Variants in GAB4 observed in about 807,000 individuals in gnomAD.
GAB4 encodes GRB2-associated-binding protein 4.
Under a neutral mutation model 51.3 loss-of-function variants are expected in GAB4, and 26 were observed. The ratio of observed to expected loss-of-function variants is 0.51; its 90% CI spans 0.37 to 0.70. The LOEUF is 0.70. GAB4 is among the 30% of genes least tolerant of loss of function. The pLI, the probability that GAB4 is intolerant of heterozygous loss-of-function variation, is 0.00. For synonymous variants in GAB4, 329 were observed against 291.2 expected (o/e 1.13, Z -1.32); for missense variants, 759 against 734.6 (o/e 1.03, Z -0.38).
intron 1 of GAB4, among the ~76,000 whole-genome samples, chr22:16,995,416 C>G (rs1162898838): frequency 6.6e-6 from 1 of 152,224 alleles, no homozygotes; most frequent in Non-Finnish European, 1.5e-5. Context: ...CTGCCTGTGG[C>G]TTTGAAGAGC....
chr22:17,002,524 C>G (rs1251083115), intron 1 of GAB4, among the ~76,000 whole-genome samples: 1 of 152,058 alleles, frequency 6.6e-6, no homozygotes, highest in East Asian at 1.9e-4. Flanking sequence ...GATGAAGATA[C>G]TGCACCAACA....
rs1328206745 is a variant in GAB4, at chr22:17,008,211, G to A, written c.-97C>T. The A allele has an allele frequency of 3.5e-6, 3 of 862,474 alleles. No homozygotes were observed. Among genetic ancestry groups the A allele is most frequent in the Non-Finnish European group, 5.4e-6 (3 of 553,964 alleles). 53.4% of individuals were successfully genotyped at this position (862,474 alleles called of 1,614,324 possible). A position where few individuals can be genotyped will look rare whatever the true frequency, so the allele number is the denominator to read the frequency against. ...ACGGCTTGCGATACCCTGGGACTGC[G>A]GGGTAGAAAGCGCAGTTCTAGGGGA... On this transcript the variant is annotated 5_prime_UTR_variant, in exon 1 of 10. Transcript: ENST00000400588.
intron 1 of GAB4, among the ~76,000 whole-genome samples, chr22:16,998,333 T>G (rs925842087): frequency 1.3e-5 from 2 of 152,246 alleles, no homozygotes; most frequent in African/African-American, 2.4e-5. Flanking sequence ...AGCAGTGTTC[T>G]GTAGTTCTCC....
In GAB4 at chr22:16,987,106, C is replaced by T. The variant is rs558475081; in HGVS notation, c.686+854G>A. Among the ~76,000 whole-genome samples, 4 of 152,352 alleles carry T rather than the reference C, an allele frequency of 2.6e-5. No homozygotes were observed. In the East Asian group the frequency reaches 7.7e-4, roughly 29 times the overall value. ...GAGATTATGTATGAAAATATTCTCA[C>T]AGATGTCATGAAGTCATCTATTAAC... is the stretch of plus-strand genomic sequence containing the variant. On this transcript the variant is annotated intron_variant, in intron 3 of 9. Transcript: ENST00000400588.
chr22:17,000,298 G>A (rs1378453592), intron 1 of GAB4, among the ~76,000 whole-genome samples: 1 of 152,194 alleles, frequency 6.6e-6, no homozygotes, highest in East Asian at 1.9e-4. Flanking sequence ...AGGTCTCTAA[G>A]TATAGGCTTT....
At chr22:16,969,102 T>C (rs1161855665) in intron 4 of GAB4, among the ~76,000 whole-genome samples, 40 of 152,358 alleles carry the variant, frequency 2.6e-4, no homozygotes, top group Non-Finnish European at 1.5e-4. Context: ...TATATGCAGA[T>C]ATAAAATACT....
chr22:16,979,587 T>C (rs913293464), intron 3 of GAB4, among the ~76,000 whole-genome samples: 17 of 152,304 alleles, frequency 1.1e-4, no homozygotes, highest in African/African-American at 4.1e-4. Flanking sequence ...AAAATGGCCA[T>C]ACTGCCCAAA....
intron 3 of GAB4, among the ~76,000 whole-genome samples, chr22:16,983,057 T>C (rs1404034391): frequency 6.6e-6 from 1 of 152,344 alleles, no homozygotes; most frequent in East Asian, 1.9e-4. Context: ...AGGTTGATTG[T>C]ATCTTAAACT....
At position 16,965,272 on chromosome 22, in the gene GAB4, G is replaced by T; in HGVS notation, c.1289-4C>A. 6.2e-7 allele frequency: 1 copy of T among 1,612,792 alleles called. No homozygotes were observed. The highest frequency in any genetic ancestry group is 1.1e-5 in the South Asian group (1 of 90,932). On this transcript the variant is annotated splice_region_variant and splice_polypyrimidine_tract_variant and intron_variant, in intron 6 of 9. Coordinates refer to ENST00000400588, the MANE Select transcript of GAB4 (RefSeq NM_001037814.1). ...AGGTTGGGCGGTGTTGGGTTGGCTG[G>T]AGCAGGAAAAGAACCTTGTCATCAG...
chr22:16,990,714 G>C (rs968571095), intron 2 of GAB4, among the ~76,000 whole-genome samples: 16 of 152,160 alleles, frequency 1.1e-4, no homozygotes, highest in Admixed American at 7.2e-4. Flanking sequence ...ACCAAGCCAT[G>C]GCTATAAAAC....
intron 1 of GAB4, among the ~76,000 whole-genome samples, chr22:17,003,158 C>G (rs979548662): frequency 6.6e-6 from 1 of 152,210 alleles, no homozygotes; most frequent in Non-Finnish European, 1.5e-5. Context: ...GCACCCAAGA[C>G]AGGGGCACCC....
At chr22:16,988,748 C>T (rs1424576007) in intron 2 of GAB4, among the ~76,000 whole-genome samples, 9 of 152,212 alleles carry the variant, frequency 5.9e-5, no homozygotes, top group African/African-American at 1.7e-4. Context: ...CCACACTACT[C>T]AGCAGAACCT....
At chr22:16,996,221 T>C (rs546864244) in intron 1 of GAB4, among the ~76,000 whole-genome samples, 90 of 151,378 alleles carry the variant, frequency 5.9e-4, no homozygotes, top group Non-Finnish European at 1.0e-3. Flanking sequence ...GATTGAAGAT[T>C]AACTTAATGA....
At chr22:16,971,047 A>T (rs980787129) in intron 3 of GAB4, among the ~76,000 whole-genome samples, 1 of 151,578 alleles carries the variant, frequency 6.6e-6, no homozygotes, top group Non-Finnish European at 1.5e-5. Flanking sequence ...AAAAAAAAAA[A>T]ATTAGCCGGG....
intron 3 of GAB4, among the ~76,000 whole-genome samples, chr22:16,977,579 G>A (rs1315715130): frequency 1.3e-5 from 2 of 152,154 alleles, no homozygotes; most frequent in African/African-American, 2.4e-5. Flanking sequence ...AATAATGGGA[G>A]ACTTTAATAC....
rs1188559157 is a variant in GAB4 at position 16,961,943 on chromosome 22, A to G, written c.*790T>C. 1 of 145,392 alleles carries G rather than the reference A, an allele frequency of 6.9e-6. No homozygotes were observed. The highest frequency in any genetic ancestry group is 1.5e-5 in the Non-Finnish European group (1 of 66,508). 9.0% of individuals were successfully genotyped at this position (145,392 alleles called of 1,614,324 possible). On this transcript the variant is annotated 3_prime_UTR_variant, in exon 10 of 10. Coordinates refer to ENST00000400588, the MANE Select transcript of GAB4 (RefSeq NM_001037814.1). ...TCCCCCATCAGTTGCTGCTTTGCCC[A>G]GCTCAGATCAAGCCTTCTTAGGCAG...
At chr22:16,991,280 G>C (rs1490262498) in intron 2 of GAB4, among the ~76,000 whole-genome samples, 3 of 145,040 alleles carry the variant, frequency 2.1e-5, no homozygotes, top group Non-Finnish European at 4.5e-5. Flanking sequence ...CCAGGTTCAA[G>C]AATGGCCAAT....
chr22:16,965,068 G>T, intron 7 of GAB4, 110 bp downstream of exon 7: 1 of 835,752 alleles, frequency 1.2e-6, no homozygotes, highest in Non-Finnish European at 1.9e-6. Flanking sequence ...GATCAGCCAT[G>T]TCCACATCGA....
intron 1 of GAB4, among the ~76,000 whole-genome samples, chr22:17,006,317 C>T (rs930678945): frequency 2.6e-5 from 4 of 151,840 alleles, no homozygotes; most frequent in Admixed American, 6.6e-5. Flanking sequence ...TACCATCTCA[C>T]GCCAGTTAGA....
Sources: allele counts gnomAD v4.1 joint callset (sites outside exome capture counted in the v4.1 genomes callset), GRCh38; gene constraint gnomAD v4.1.1; transcripts MANE v1.5; gene names NCBI Gene and HGNC (gene_info 2026-07-23, HGNC 2026-07-21).